FGF13: variants seen among roughly 807,000 people sequenced by gnomAD.
FGF13 encodes fibroblast growth factor homologous factor 2.
In FGF13, 2 loss-of-function variants were observed where a neutral mutation model predicts 19.5. The observed-to-expected ratio is 0.10, with a 90% CI of 0.04 to 0.32. FGF13 has a LOEUF of 0.32. FGF13 is among the 10% of genes least tolerant of loss of function. The probability of loss-of-function intolerance (pLI) is 1.00; values close to 1 mark genes in which losing one functional copy is unlikely to be tolerated. For synonymous variants in FGF13, 72 were observed against 76.9 expected, an observed-to-expected ratio of 0.94 and a Z score of 0.33; for missense variants, 113 against 192.7, an observed-to-expected ratio of 0.59 and a Z score of 2.45.
At chrX:138,786,736 T>G (rs1349881797) in intron 3 of FGF13, among the ~76,000 whole-genome samples, 1 of 112,097 alleles carries the variant, frequency 8.9e-6, no homozygotes, top group Non-Finnish European at 1.9e-5. Flanking sequence ...TCAGGTCCCA[T>G]GTAGATCTGC....
intron 1 of FGF13, among the ~76,000 whole-genome samples, chrX:139,198,805 C>T (rs2084393971): frequency 9.0e-6 from 1 of 111,158 alleles, no homozygotes; most frequent in Admixed American, 9.6e-5. Flanking sequence ...AAGGAGAAAT[C>T]GGATCTAAGG....
At chrX:139,200,223 G>A (rs763772502) in intron 1 of FGF13, among the ~76,000 whole-genome samples, 3 of 112,032 alleles carry the variant, frequency 2.7e-5, no homozygotes, top group South Asian at 3.7e-4. Context: ...ATTTCTTGTC[G>A]GTAAAATACC....
At chrX:138,809,496 A>C (rs1306313345) in intron 3 of FGF13, among the ~76,000 whole-genome samples, 1 of 111,909 alleles carries the variant, frequency 8.9e-6, no homozygotes. Flanking sequence ...ATCATACTGA[A>C]TGGGCAAAAC....
In FGF13 at chrX:138,806,780, G is replaced by A. The variant is rs1396593768; in HGVS notation, c.217+50732C>T. On this transcript the variant is annotated intron_variant, in intron 3 of 6. Transcript: ENST00000436198. ...CATCAAATACCAGCCCATGAAGTAT[G>A]AGGAGAAGATCTGGGGAGGAAAACT... is the stretch of plus-strand genomic sequence containing the variant. 2.7e-5 allele frequency: 3 copies of A among 111,205 alleles called. No homozygotes were observed. In the East Asian group the frequency reaches 8.6e-4, roughly 32 times the overall value. 9.2% of individuals were successfully genotyped at this position (111,205 alleles called of 1,213,427 possible). A position where few individuals can be genotyped will look rare whatever the true frequency, so the allele number is the denominator to read the frequency against.
intron 3 of FGF13, among the ~76,000 whole-genome samples, chrX:138,818,200 T>A (rs983642925): frequency 9.0e-6 from 1 of 111,045 alleles, no homozygotes; most frequent in African/African-American, 3.3e-5. Context: ...TTTCTCAGAG[T>A]GTGAAGTATG....
chrX:138,883,406 G>A (rs1014800940), intron 1 of FGF13, among the ~76,000 whole-genome samples: 1 of 111,340 alleles, frequency 9.0e-6, no homozygotes, highest in African/African-American at 3.3e-5. Flanking sequence ...GTCATAAGGT[G>A]AGCTCATGTC....
At chrX:138,986,567 T>C (rs1295345998) in intron 1 of FGF13, among the ~76,000 whole-genome samples, 4 of 111,816 alleles carry the variant, frequency 3.6e-5, no homozygotes, top group African/African-American at 6.5e-5. Flanking sequence ...ATTTTAAAAA[T>C]TGTTTTAAAG....
Position 138,809,652 on chromosome X carries a change from A to T in FGF13, c.217+47860T>A, listed in dbSNP as rs760819703. 8.9e-4 allele frequency among the ~76,000 whole-genome samples: 99 copies of T among 111,730 alleles called. 1 individual carries two copies. The highest frequency in any genetic ancestry group is 1.1e-3 in the Non-Finnish European group (61 of 53,188). On this transcript the variant is annotated intron_variant, in intron 3 of 6. Transcript: ENST00000436198. ...GTTCAATTAAGAAAAGAGGAAGTCA[A>T]ATTGTCCCCGTTTGCAGATGACATG...
At chrX:138,994,343 T>C (rs2092032247) in intron 1 of FGF13, among the ~76,000 whole-genome samples, 1 of 110,834 alleles carries the variant, frequency 9.0e-6, no homozygotes, top group African/African-American at 3.3e-5. Flanking sequence ...TATGAACTCA[T>C]CTATACCTAA....
chrX:139,019,199 C>G (rs1198687346), intron 1 of FGF13, among the ~76,000 whole-genome samples: 1 of 111,942 alleles, frequency 8.9e-6, no homozygotes, highest in Admixed American at 9.5e-5. Context: ...AGGATATAAA[C>G]CAGGGTGTTC....
chrX:138,645,626 TC>T (rs1381965645), intron 3 of FGF13, among the ~76,000 whole-genome samples: 1 of 112,057 alleles, frequency 8.9e-6, no homozygotes, highest in Non-Finnish European at 1.9e-5. Flanking sequence ...CCTTTAACTT[TC>T]CATTTGTGTG....
At chrX:139,113,447 T>G (rs1209049307) in intron 1 of FGF13, among the ~76,000 whole-genome samples, 1 of 112,080 alleles carries the variant, frequency 8.9e-6, no homozygotes, top group African/African-American at 3.2e-5. Flanking sequence ...GAATTATTAA[T>G]GTTTCTTCAG....
chrX:139,109,241 C>T (rs2083583177), intron 1 of FGF13, among the ~76,000 whole-genome samples: 1 of 111,640 alleles, frequency 9.0e-6, no homozygotes, highest in Admixed American at 9.6e-5. Context: ...AAAACCTGTT[C>T]CTGTGGTATC....
intron 1 of FGF13, among the ~76,000 whole-genome samples, chrX:139,155,839 G>C (rs946201102): frequency 8.0e-5 from 9 of 111,990 alleles, no homozygotes; most frequent in African/African-American, 2.6e-4. Context: ...CAATAGACCT[G>C]ATACAAAAGC....
intron 2 of FGF13, among the ~76,000 whole-genome samples, chrX:138,859,959 G>A (rs749038165): frequency 9.0e-6 from 1 of 111,261 alleles, no homozygotes; most frequent in South Asian, 3.8e-4. Flanking sequence ...CTCGGAAATC[G>A]TGAACATCTG....
At chrX:139,081,724 C>CTCTCTCTCTCTCTG (rs768036903) in intron 1 of FGF13, among the ~76,000 whole-genome samples, 1 of 105,292 alleles carries the variant, frequency 9.5e-6, no homozygotes. Context: ...TTCTTAATTC[C>CTCTCTCTCTCTCTG]TCTCTCTCTC....
chrX:139,115,755 A>C (rs2083635407), intron 1 of FGF13, among the ~76,000 whole-genome samples: 1 of 112,711 alleles, frequency 8.9e-6, no homozygotes, highest in Admixed American at 9.4e-5. Context: ...AGCTTTCAAT[A>C]ATTGTTCATT....
intron 1 of FGF13, among the ~76,000 whole-genome samples, chrX:139,202,990 T>C (rs867943434): frequency 5.2e-4 from 58 of 112,162 alleles, no homozygotes; most frequent in African/African-American, 1.7e-3. Context: ...TCCCCACTGC[T>C]CTTCCATATT....
At chrX:138,883,577 T>C (rs1220166817) in intron 1 of FGF13, among the ~76,000 whole-genome samples, 3 of 111,348 alleles carry the variant, frequency 2.7e-5, no homozygotes, top group Non-Finnish European at 5.7e-5. Context: ...TAATTGATGA[T>C]ATGTCTCAAT....
Sources: gnomAD v4.1 joint callset for allele counts (sites outside exome capture counted in the v4.1 genomes callset) on GRCh38, gnomAD v4.1.1 for gene constraint, MANE v1.5 for transcripts, NCBI Gene and HGNC (gene_info 2026-07-23, HGNC 2026-07-21) for gene names.